Variants in ARB2A observed in about 807,000 individuals in gnomAD.
ARB2A encodes cotranscriptional regulator ARB2A.
the ARB2A span, among the ~76,000 whole-genome samples, chr5:93,943,596 A>G: frequency 1.3e-5 from 2 of 152,174 alleles, no homozygotes; most frequent in African/African-American, 4.8e-5. Flanking sequence ...TCTACTAGGC[A>G]TAGGTATCCA....
At chr5:93,802,741 C>G in the ARB2A span, among the ~76,000 whole-genome samples, 1 of 151,978 alleles carries the variant, frequency 6.6e-6, no homozygotes, top group East Asian at 1.9e-4. Context: ...TGATGTTTAG[C>G]AGTAGATAGG....
chr5:93,805,302 G>C, the ARB2A span: 3 of 985,016 alleles, frequency 3.0e-6, 1 homozygote, highest in Non-Finnish European at 1.2e-6. Context: ...GCAATTCCTT[G>C]CTCCTTCACT....
chr5:93,993,836 TTAAA>T, the ARB2A span, among the ~76,000 whole-genome samples: 3 of 150,660 alleles, frequency 2.0e-5, no homozygotes, highest in African/African-American at 7.3e-5. Flanking sequence ...ATATTTATGT[TTAAA>T]TAAATATTAT....
At chr5:94,051,243 A>T in the ARB2A span, among the ~76,000 whole-genome samples, 1 of 152,224 alleles carries the variant, frequency 6.6e-6, no homozygotes, top group Non-Finnish European at 1.5e-5. Context: ...ATATGTCAAC[A>T]GTCTAAAAAT....
chr5:94,037,402 T>A, the ARB2A span, among the ~76,000 whole-genome samples: 2 of 152,066 alleles, frequency 1.3e-5, no homozygotes, highest in Admixed American at 6.6e-5. Flanking sequence ...TAATAATAAG[T>A]AGACAGAGTG....
chr5:94,090,552 C>G, the ARB2A span, among the ~76,000 whole-genome samples: 1 of 152,122 alleles, frequency 6.6e-6, no homozygotes, highest in Non-Finnish European at 1.5e-5. Flanking sequence ...CTACAATTTC[C>G]AACACTATGT....
At chr5:93,845,519 A>C in the ARB2A span, among the ~76,000 whole-genome samples, 1 of 152,170 alleles carries the variant, frequency 6.6e-6, no homozygotes, top group South Asian at 2.1e-4. Context: ...GCAGTAAAAA[A>C]CCAAGAAGGC....
the ARB2A span, chr5:93,743,589 A>C: frequency 3.1e-6 from 3 of 983,500 alleles, no homozygotes; most frequent in African/African-American, 1.7e-5. Flanking sequence ...AACGGAATGA[A>C]AGCTGGATCA....
chr5:93,821,821 G>A, the ARB2A span, among the ~76,000 whole-genome samples: 1 of 151,710 alleles, frequency 6.6e-6, no homozygotes, highest in African/African-American at 2.4e-5. Flanking sequence ...TCCATTGTAT[G>A]AGGTCAGGAA....
chr5:94,084,860 A>G, the ARB2A span, among the ~76,000 whole-genome samples: 1 of 152,206 alleles, frequency 6.6e-6, no homozygotes, highest in Non-Finnish European at 1.5e-5. Context: ...CACTTCATAC[A>G]TGATCAATTT....
chr5:94,069,074 A>ATAGATAGATAGT, the ARB2A span, among the ~76,000 whole-genome samples: 3 of 151,904 alleles, frequency 2.0e-5, no homozygotes, highest in Non-Finnish European at 4.4e-5. Context: ...AGATAGATAG[A>ATAGATAGATAGT]TAGATAGATA....
chr5:93,625,215 AC>A, the ARB2A span, among the ~76,000 whole-genome samples: 10 of 152,160 alleles, frequency 6.6e-5, no homozygotes, highest in Admixed American at 3.9e-4. Context: ...ATTATGAATT[AC>A]TTTTATTCCT....
At chr5:93,830,790 T>A in the ARB2A span, among the ~76,000 whole-genome samples, 1 of 152,074 alleles carries the variant, frequency 6.6e-6, no homozygotes, top group Admixed American at 6.6e-5. Context: ...GAGAGGATGA[T>A]TTTGGGATGA....
At chr5:94,014,645 C>T in the ARB2A span, among the ~76,000 whole-genome samples, 1 of 151,554 alleles carries the variant, frequency 6.6e-6, no homozygotes, top group Non-Finnish European at 1.5e-5. Context: ...ATATCCAACA[C>T]AACACAAAAA....
chr5:94,008,612 G>C, the ARB2A span, among the ~76,000 whole-genome samples: 1 of 151,576 alleles, frequency 6.6e-6, no homozygotes, highest in Admixed American at 6.6e-5. Flanking sequence ...TTCTATCACA[G>C]AAAAAAAAGT....
chr5:93,909,178 A>T, the ARB2A span, among the ~76,000 whole-genome samples: 13,830 of 151,114 alleles, frequency 0.092, 802 homozygotes, highest in Middle Eastern at 0.16. Flanking sequence ...TATCACAAGA[A>T]GTTATTTGCT....
chr5:93,961,737 A>G, the ARB2A span, among the ~76,000 whole-genome samples: 4 of 152,190 alleles, frequency 2.6e-5, no homozygotes, highest in Admixed American at 6.5e-5. Context: ...ACACTGCTAA[A>G]TAATTTTTAA....
the ARB2A span, among the ~76,000 whole-genome samples, chr5:93,927,819 A>C: frequency 6.6e-6 from 1 of 152,152 alleles, no homozygotes; most frequent in Non-Finnish European, 1.5e-5. Context: ...ACATGTAAAA[A>C]AGAGGAGGGG....
chr5:93,901,974 T>C, the ARB2A span, among the ~76,000 whole-genome samples: 1 of 152,040 alleles, frequency 6.6e-6, no homozygotes, highest in African/African-American at 2.4e-5. Flanking sequence ...TAACTCCTAA[T>C]ATATGTGAAC....
Sources: allele counts gnomAD v4.1 joint callset (sites outside exome capture counted in the v4.1 genomes callset), GRCh38; gene constraint gnomAD v4.1.1; transcripts MANE v1.5; gene names NCBI Gene and HGNC (gene_info 2026-07-23, HGNC 2026-07-21).